Variants in ANKS1B observed in about 807,000 individuals in gnomAD.
ANKS1B encodes ankyrin repeat and sterile alpha motif domain containing 1B.
In ANKS1B, 36 loss-of-function variants were observed where a neutral mutation model predicts 148.3. That is an observed-to-expected ratio of 0.24 (90% confidence interval 0.19 to 0.32). ANKS1B has a LOEUF of 0.32. Ranked by LOEUF, ANKS1B falls within the 10% of genes least tolerant of loss-of-function variation. The pLI, the probability that ANKS1B is intolerant of heterozygous loss-of-function variation, is 1.00. For missense variants in ANKS1B, 1,157 were observed against 1,542.6 expected (o/e 0.75, Z 4.19); for synonymous variants, 542 against 560.8 (o/e 0.97, Z 0.47).
At chr12:98,965,762 A>G (rs1019192254) in intron 17 of ANKS1B, among the ~76,000 whole-genome samples, 13 of 152,182 alleles carry the variant, frequency 8.5e-5, no homozygotes, top group Admixed American at 5.2e-4. Context: ...CAACCATCTG[A>G]TCTTTGACAA....
downstream of ANKS1B, among the ~76,000 whole-genome samples, chr12:98,741,229 TG>T (rs760788979): frequency 1.8e-4 from 27 of 152,158 alleles, no homozygotes; most frequent in Non-Finnish European, 2.8e-4. Flanking sequence ...CCTGAATCTC[TG>T]CCTCCTCCAC....
At chr12:99,948,905 G>A (rs2095142381) in intron 1 of ANKS1B, among the ~76,000 whole-genome samples, 1 of 152,088 alleles carries the variant, frequency 6.6e-6, no homozygotes, top group South Asian at 2.1e-4. Context: ...CATGGCTTCA[G>A]GATATTTAAG....
chr12:99,538,524 G>A (rs181968260), intron 9 of ANKS1B, among the ~76,000 whole-genome samples: 1 of 152,022 alleles, frequency 6.6e-6, no homozygotes, highest in African/African-American at 2.4e-5. Context: ...ATTGTAAATG[G>A]GATATTTTTA....
At chr12:99,247,296 C>A (rs1235249024) in intron 12 of ANKS1B, among the ~76,000 whole-genome samples, 1 of 152,076 alleles carries the variant, frequency 6.6e-6, no homozygotes, top group Non-Finnish European at 1.5e-5. Context: ...ATAATGACAA[C>A]CCTCTGCCCT....
intron 9 of ANKS1B, among the ~76,000 whole-genome samples, chr12:99,523,973 A>C (rs11109894): frequency 0.27 from 40,928 of 152,146 alleles, 6,519 homozygotes; most frequent in African/African-American, 0.45. Context: ...AAGTTACCTG[A>C]ATATATTCAC....
chr12:98,961,544 AG>A (rs1172233492), intron 17 of ANKS1B, among the ~76,000 whole-genome samples: 1 of 151,428 alleles, frequency 6.6e-6, no homozygotes, highest in African/African-American at 2.5e-5. Flanking sequence ...AAACATCTGA[AG>A]GTGCAAAAAA....
intron 12 of ANKS1B, among the ~76,000 whole-genome samples, chr12:99,273,890 T>C (rs932155026): frequency 3.9e-5 from 6 of 152,094 alleles, no homozygotes; most frequent in Non-Finnish European, 8.8e-5. Context: ...CGGCCTTTTT[T>C]GTGATTTTTT....
chr12:99,148,972 T>A (rs1030473069), intron 15 of ANKS1B, among the ~76,000 whole-genome samples: 48 of 151,944 alleles, frequency 3.2e-4, no homozygotes, highest in African/African-American at 1.1e-3. Context: ...TAAGAAGGTA[T>A]AGGAAATTTG....
At chr12:99,297,138 G>A (rs1317711140) in intron 12 of ANKS1B, among the ~76,000 whole-genome samples, 1 of 152,206 alleles carries the variant, frequency 6.6e-6, no homozygotes, top group East Asian at 1.9e-4. Flanking sequence ...ACATTACACA[G>A]ATAAAAGGCA....
intron 17 of ANKS1B, among the ~76,000 whole-genome samples, chr12:99,043,893 T>C (rs1354429231): frequency 1.3e-5 from 2 of 152,234 alleles, no homozygotes; most frequent in Non-Finnish European, 2.9e-5. Flanking sequence ...GCACCGTGTA[T>C]GTTAGTTTTC....
chr12:98,761,084 A>G (rs535810003), intron 25 of ANKS1B, among the ~76,000 whole-genome samples: 14 of 152,324 alleles, frequency 9.2e-5, no homozygotes, highest in Admixed American at 4.6e-4. Flanking sequence ...GAAACTAAGG[A>G]TCAGCGAAAT....
At chr12:99,115,028 C>T (rs897755127) in intron 15 of ANKS1B, among the ~76,000 whole-genome samples, 3 of 152,126 alleles carry the variant, frequency 2.0e-5, no homozygotes, top group Non-Finnish European at 2.9e-5. Flanking sequence ...ACGATGGGAT[C>T]ATAAATTTGT....
intron 8 of ANKS1B, among the ~76,000 whole-genome samples, chr12:99,690,438 C>T (rs1435320660): frequency 6.6e-6 from 1 of 152,098 alleles, no homozygotes; most frequent in African/African-American, 2.4e-5. Context: ...AAGGCAAGTC[C>T]CTTCCACCTA....
chr12:99,415,815 C>T (rs1047277256), intron 11 of ANKS1B, among the ~76,000 whole-genome samples: 3 of 152,116 alleles, frequency 2.0e-5, no homozygotes, highest in African/African-American at 7.2e-5. Context: ...TCCTAAGTAG[C>T]TGGGACTACA....
intron 12 of ANKS1B, among the ~76,000 whole-genome samples, chr12:99,265,541 C>T (rs899924182): frequency 1.3e-5 from 2 of 152,128 alleles, no homozygotes; most frequent in African/African-American, 2.4e-5. Context: ...CTACTGATCA[C>T]GAGTTAGGAG....
At chr12:99,843,216 G>A (rs1053259212) in intron 1 of ANKS1B, among the ~76,000 whole-genome samples, 10 of 152,106 alleles carry the variant, frequency 6.6e-5, no homozygotes, top group African/African-American at 2.4e-4. Context: ...TTGTTGACTA[G>A]AAATCACACA....
chr12:99,911,110 G>A (rs905805401), intron 1 of ANKS1B, among the ~76,000 whole-genome samples: 2 of 152,102 alleles, frequency 1.3e-5, no homozygotes, highest in African/African-American at 4.8e-5. Context: ...TTAGGGTGGT[G>A]AAATAAATCA....
At chr12:99,360,938 G>A (rs2152428308) in intron 12 of ANKS1B, among the ~76,000 whole-genome samples, 1 of 152,190 alleles carries the variant, frequency 6.6e-6, no homozygotes, top group East Asian at 1.9e-4. Context: ...AAGACTAGAA[G>A]GATGGTTACC....
rs182771734 is a variant in ANKS1B, at chr12:99,716,266, G to A, written c.1128+56656C>T. On this transcript the variant is annotated intron_variant, in intron 8 of 26. Transcript: ENST00000683438. ...CCATGCCCTGACCTCTTATCTCTGCGCCCCGATCCCTTATTTCCACACCCC... is the reference window on the plus strand; with the variant it reads ...CCATGCCCTGACCTCTTATCTCTGCACCCCGATCCCTTATTTCCACACCCC... Among the ~76,000 whole-genome samples, 47 of 147,256 alleles carry A rather than the reference G, an allele frequency of 3.2e-4. 1 individual carries two copies. Among genetic ancestry groups the A allele is most frequent in the East Asian group, 1.2e-3 (6 of 4,990 alleles).
Sources: allele counts gnomAD v4.1 joint callset (sites outside exome capture counted in the v4.1 genomes callset), GRCh38; gene constraint gnomAD v4.1.1; transcripts MANE v1.5; gene names NCBI Gene and HGNC (gene_info 2026-07-23, HGNC 2026-07-21).